TRERF1: variants seen among roughly 807,000 people sequenced by gnomAD.
The protein encoded by TRERF1 is transcriptional-regulating factor 1.
In TRERF1, 27 loss-of-function variants were observed where a neutral mutation model predicts 122.9. The ratio of observed to expected loss-of-function variants is 0.22; its 90% CI spans 0.16 to 0.30. TRERF1 has a LOEUF of 0.30. Among genes scored for constraint, TRERF1 ranks in the 10% least tolerant of loss-of-function variants. TRERF1 has a pLI of 1.00. For synonymous variants in TRERF1, 636 were observed against 641.7 expected (o/e 0.99, Z 0.13); for missense variants, 1,248 against 1,560.3 (o/e 0.80, Z 3.37).
At chr6:42,428,640 C>A (rs1326129632) in intron 2 of TRERF1, among the ~76,000 whole-genome samples, 1 of 152,234 alleles carries the variant, frequency 6.6e-6, no homozygotes, top group Non-Finnish European at 1.5e-5. Context: ...ACTAAGCTCC[C>A]TTCCTTTGTT....
chr6:42,346,371 C>G (rs1348614812), intron 3 of TRERF1, among the ~76,000 whole-genome samples: 2 of 152,202 alleles, frequency 1.3e-5, no homozygotes, highest in Non-Finnish European at 2.9e-5. Context: ...GCCGACTCCC[C>G]CTGAAGGCAG....
chr6:42,363,827 G>A (rs1480977550), intron 2 of TRERF1, among the ~76,000 whole-genome samples: 1 of 152,160 alleles, frequency 6.6e-6, no homozygotes, highest in Non-Finnish European at 1.5e-5. Context: ...ACCCTTCCCT[G>A]GAGTCTCCAG....
intron 2 of TRERF1, among the ~76,000 whole-genome samples, chr6:42,409,030 G>A (rs113021988): frequency 0.023 from 3,554 of 152,182 alleles, 146 homozygotes; most frequent in African/African-American, 0.082. Context: ...GCTCATGCCT[G>A]TAATCCCAAC....
chr6:42,273,610 C>T (rs183452249), intron 4 of TRERF1, among the ~76,000 whole-genome samples: 1 of 152,302 alleles, frequency 6.6e-6, no homozygotes, highest in Admixed American at 6.5e-5. Context: ...AAGTCAGGTG[C>T]AGGAGTTCAT....
chr6:42,374,153 G>A (rs1211099942), intron 2 of TRERF1, among the ~76,000 whole-genome samples: 48 of 109,364 alleles, frequency 4.4e-4, no homozygotes, highest in African/African-American at 1.6e-3. Flanking sequence ...AAAAAAAAAA[G>A]AAGAAGAAGA....
intron 2 of TRERF1, among the ~76,000 whole-genome samples, chr6:42,375,178 G>T (rs531882648): frequency 2.6e-5 from 4 of 152,152 alleles, no homozygotes; most frequent in Admixed American, 2.6e-4. Flanking sequence ...ACAATGGGGC[G>T]CCAACAAAGT....
chr6:42,243,488 A>G, intron 14 of TRERF1, 127 bp from the exon 15 acceptor site: 2 of 633,394 alleles, frequency 3.2e-6, no homozygotes, highest in Non-Finnish European at 2.8e-6. Flanking sequence ...AAAAAAATGT[A>G]CCTGGTGAAA....
chr6:42,357,956 C>T (rs1208659014), intron 3 of TRERF1, among the ~76,000 whole-genome samples: 3 of 152,160 alleles, frequency 2.0e-5, no homozygotes, highest in African/African-American at 4.8e-5. Flanking sequence ...ACTTTTGCTA[C>T]AAGTACTAAC....
chr6:42,306,741 G>C (rs1467550813), intron 3 of TRERF1, among the ~76,000 whole-genome samples: 1 of 152,132 alleles, frequency 6.6e-6, no homozygotes, highest in Non-Finnish European at 1.5e-5. Context: ...TCAGGCTATA[G>C]CTTTGGGAAG....
At chr6:42,233,618 CT>C (rs1027068144) in intron 16 of TRERF1, among the ~76,000 whole-genome samples, 1 of 152,140 alleles carries the variant, frequency 6.6e-6, no homozygotes, top group African/African-American at 2.4e-5. Context: ...CTACCTCCTT[CT>C]TTTCCTCCCA....
chr6:42,246,604 G>C, intron 13 of TRERF1, 60 bp from the exon 14 acceptor site: 1 of 1,244,760 alleles, frequency 8.0e-7, no homozygotes, highest in Non-Finnish European at 1.1e-6. Context: ...TTTAGTTGCT[G>C]GTTCATTTAG....
chr6:42,446,452 T>A (rs1308648419), intron 2 of TRERF1, among the ~76,000 whole-genome samples: 1 of 152,134 alleles, frequency 6.6e-6, no homozygotes, highest in Non-Finnish European at 1.5e-5. Context: ...TCTAATGAAA[T>A]CCATCCAAGT....
chr6:42,302,018 G>A (rs1786296586), intron 3 of TRERF1, among the ~76,000 whole-genome samples: 1 of 152,146 alleles, frequency 6.6e-6, no homozygotes, highest in Non-Finnish European at 1.5e-5. Context: ...CTGTGTTCAG[G>A]TAACAAAGTG....
chr6:42,252,875 A>G (rs934631205), intron 13 of TRERF1, among the ~76,000 whole-genome samples: 6 of 152,194 alleles, frequency 3.9e-5, no homozygotes, highest in African/African-American at 1.4e-4. Flanking sequence ...AGTGACTGGC[A>G]AACATAGGTG....
intron 15 of TRERF1, among the ~76,000 whole-genome samples, chr6:42,236,937 C>T (rs574970373): frequency 1.6e-4 from 24 of 152,200 alleles, no homozygotes; most frequent in African/African-American, 4.3e-4. Context: ...GCAGAAAGCA[C>T]GTGACTCAAG....
intron 2 of TRERF1, among the ~76,000 whole-genome samples, chr6:42,385,607 G>T (rs1316039333): frequency 1.3e-5 from 2 of 152,164 alleles, no homozygotes; most frequent in African/African-American, 4.8e-5. Flanking sequence ...GGGAGTGGCA[G>T]GCACCTCTAG....
At chr6:42,382,292 C>A (rs1259931880) in intron 2 of TRERF1, among the ~76,000 whole-genome samples, 1 of 151,816 alleles carries the variant, frequency 6.6e-6, no homozygotes, top group African/African-American at 2.4e-5. Flanking sequence ...GAAAATGCCA[C>A]CTGATGCATC....
chr6:42,368,004 A>G (rs183308284), intron 2 of TRERF1, among the ~76,000 whole-genome samples: 8 of 151,906 alleles, frequency 5.3e-5, no homozygotes, highest in Non-Finnish European at 1.2e-4. Flanking sequence ...TTTTACTTGC[A>G]TTGCTCACAC....
intron 2 of TRERF1, among the ~76,000 whole-genome samples, chr6:42,364,991 G>A (rs572943896): frequency 3.9e-5 from 6 of 152,278 alleles, no homozygotes; most frequent in Middle Eastern, 3.4e-3. Flanking sequence ...AGGAAACCAG[G>A]TGGGAACGAG....
Sources: gnomAD v4.1 joint callset for allele counts (sites outside exome capture counted in the v4.1 genomes callset) on GRCh38, gnomAD v4.1.1 for gene constraint, MANE v1.5 for transcripts, NCBI Gene and HGNC (gene_info 2026-07-23, HGNC 2026-07-21) for gene names.